CCDC171: variants seen among roughly 807,000 people sequenced by gnomAD.
CCDC171 encodes coiled-coil domain-containing protein 171.
In CCDC171, 177 loss-of-function variants were observed where a neutral mutation model predicts 168.2. The ratio of observed to expected loss-of-function variants is 1.05; its 90% CI spans 0.93 to 1.19. CCDC171 has a LOEUF of 1.19. CCDC171 is among the 50% of genes most tolerant of loss of function. CCDC171 has a pLI of 0.00. For synonymous variants in CCDC171, 687 were observed against 540.8 expected (o/e 1.27, Z -3.75); for missense variants, 1,991 against 1,539.0 (o/e 1.29, Z -4.91).
chr9:15,954,872 T>C (rs955784757), intron 25 of CCDC171, among the ~76,000 whole-genome samples: 1 of 152,118 alleles, frequency 6.6e-6, no homozygotes, highest in Admixed American at 6.5e-5. Context: ...TCTCTGAGCA[T>C]CTGTAAGACA....
At chr9:15,669,768 A>G (rs1448869482) in intron 9 of CCDC171, among the ~76,000 whole-genome samples, 3 of 152,118 alleles carry the variant, frequency 2.0e-5, no homozygotes, top group Non-Finnish European at 4.4e-5. Context: ...ACTGCATCTA[A>G]ATTTATTTCT....
chr9:15,920,459 G>C (rs1254406793), intron 25 of CCDC171, 37 bp downstream of exon 25: 1 of 1,445,484 alleles, frequency 6.9e-7, no homozygotes, highest in South Asian at 1.3e-5. Flanking sequence ...ATAACTTTTT[G>C]AATCTTGGGT....
At chr9:15,984,444 A>G (rs1052510380) in intron 3 of CCDC171, among the ~76,000 whole-genome samples, 2 of 41,930 alleles carry the variant, frequency 4.8e-5, no homozygotes, top group Non-Finnish European at 9.1e-5. Context: ...GTGTGTATAT[A>G]TATATATATG....
chr9:15,856,838 G>C (rs572916027), intron 23 of CCDC171, among the ~76,000 whole-genome samples: 1 of 151,898 alleles, frequency 6.6e-6, no homozygotes, highest in Non-Finnish European at 1.5e-5. Context: ...GTGTACATGG[G>C]TTCCAGTTTC....
chr9:15,917,228 A>C (rs1348706391), intron 24 of CCDC171, among the ~76,000 whole-genome samples: 1 of 151,904 alleles, frequency 6.6e-6, no homozygotes, highest in Non-Finnish European at 1.5e-5. Context: ...TTCTTTGAAT[A>C]ATTGCCATTT....
intron 18 of CCDC171, among the ~76,000 whole-genome samples, chr9:15,759,412 C>T (rs1424666349): frequency 6.6e-6 from 1 of 152,172 alleles, no homozygotes; most frequent in African/African-American, 2.4e-5. Flanking sequence ...CAGAATGCAA[C>T]TGTCAACATC....
intron 7 of CCDC171, among the ~76,000 whole-genome samples, chr9:15,634,337 C>G (rs1305812841): frequency 6.6e-6 from 1 of 151,750 alleles, no homozygotes; most frequent in Non-Finnish European, 1.5e-5. Flanking sequence ...CTCTGTATTT[C>G]TTTTATTTCT....
intron 4 of CCDC171, among the ~76,000 whole-genome samples, chr9:15,584,243 G>T (rs1248057453): frequency 6.6e-6 from 1 of 152,168 alleles, no homozygotes; most frequent in Non-Finnish European, 1.5e-5. Flanking sequence ...TTGGTCAGAA[G>T]TATTTTTGAT....
intron 21 of CCDC171, among the ~76,000 whole-genome samples, chr9:15,821,356 G>A (rs1483936219): frequency 8.6e-6 from 1 of 116,902 alleles, no homozygotes; most frequent in Non-Finnish European, 1.9e-5. Context: ...GCAGGAGAAG[G>A]AAATAAAGGG....
At chr9:16,036,729 C>T (rs1431710380) in intron 8 of CCDC171, among the ~76,000 whole-genome samples, 2 of 152,202 alleles carry the variant, frequency 1.3e-5, no homozygotes, top group Admixed American at 1.3e-4. Context: ...AATTCTGAAC[C>T]AAGAATCCAA....
the CCDC171 span, among the ~76,000 whole-genome samples, chr9:16,078,430 A>T: frequency 7.9e-5 from 12 of 152,294 alleles, no homozygotes; most frequent in South Asian, 4.1e-4. Flanking sequence ...ATCTGCATGC[A>T]GTTGTGCCAA....
In CCDC171 at chr9:15,677,923, T is replaced by TA. The variant is rs1376514485; in HGVS notation, c.1077-834dup. On this transcript the variant is annotated intron_variant, in intron 9 of 25. Transcript: ENST00000380701. The stretch of plus-strand genomic sequence containing the variant: ...ATATATATATATATATATATATATA[T>TA]ATAAGAGATGTGGTCTCATTCTGTT... Among the ~76,000 whole-genome samples the TA allele has an allele frequency of 2.7e-4, 10 of 37,618 alleles. 1 individual carries two copies. The highest frequency in any genetic ancestry group is 1.2e-3 in the African/African-American group (10 of 8,300). The allele number at this position is 37,618 out of a possible 152,430, so 24.7% of individuals were successfully genotyped here.
chr9:15,693,484 A>C (rs945842775), intron 10 of CCDC171, among the ~76,000 whole-genome samples: 5 of 146,118 alleles, frequency 3.4e-5, no homozygotes, highest in Admixed American at 7.0e-5. Flanking sequence ...AAAAAAAAAA[A>C]ACAGACATTT....
chr9:15,676,325 C>T (rs2049557440), intron 9 of CCDC171, among the ~76,000 whole-genome samples: 1 of 152,110 alleles, frequency 6.6e-6, no homozygotes, highest in Admixed American at 6.6e-5. Context: ...AGAACATGCT[C>T]CTTTAGCTCG....
At chr9:15,953,997 C>G (rs1829498689) in intron 25 of CCDC171, among the ~76,000 whole-genome samples, 1 of 151,796 alleles carries the variant, frequency 6.6e-6, no homozygotes, top group Non-Finnish European at 1.5e-5. Flanking sequence ...CCTTTTTTCC[C>G]CCTGTGGAAC....
intron 16 of CCDC171, among the ~76,000 whole-genome samples, chr9:15,736,661 T>TTTTCTC (rs1554785788): frequency 6.8e-6 from 1 of 147,888 alleles, no homozygotes; most frequent in Non-Finnish European, 1.5e-5. Context: ...TCACATTTCT[T>TTTTCTC]TTTCTTTCTT....
At chr9:15,787,606 C>G (rs753160671) in intron 21 of CCDC171, among the ~76,000 whole-genome samples, 1 of 152,012 alleles carries the variant, frequency 6.6e-6, no homozygotes. Context: ...CTAAATGTTA[C>G]GCACATATCT....
chr9:16,076,588 A>G, the CCDC171 span, among the ~76,000 whole-genome samples: 2 of 152,246 alleles, frequency 1.3e-5, no homozygotes, highest in South Asian at 4.1e-4. Context: ...GGCAGCCTTC[A>G]GCTCTCTCCG....
chr9:15,856,574 T>C (rs2061356567), intron 23 of CCDC171, among the ~76,000 whole-genome samples: 9 of 152,046 alleles, frequency 5.9e-5, no homozygotes. Flanking sequence ...TTATTGTATG[T>C]TTATACCATA....
Sources: gnomAD v4.1 joint callset for allele counts (sites outside exome capture counted in the v4.1 genomes callset) on GRCh38, gnomAD v4.1.1 for gene constraint, MANE v1.5 for transcripts, NCBI Gene and HGNC (gene_info 2026-07-23, HGNC 2026-07-21) for gene names.